Variants in HDAC9 observed in about 807,000 individuals in gnomAD.
The protein encoded by HDAC9 is histone deacetylase 9.
A neutral mutation model predicts 139.4 loss-of-function variants in HDAC9; 41 were observed. That is an observed-to-expected ratio of 0.29 (90% CI 0.23 to 0.38). The LOEUF is 0.38. Among genes scored for constraint, HDAC9 ranks in the 10% least tolerant of loss-of-function variants. The pLI is 1.00. For synonymous variants in HDAC9, 517 were observed against 476.2 expected (o/e 1.09, Z -1.12); for missense variants, 1,147 against 1,297.0 (o/e 0.88, Z 1.78).
At chr7:18,369,260 T>G (rs1024422882) in intron 1 of HDAC9, among the ~76,000 whole-genome samples, 6 of 152,120 alleles carry the variant, frequency 3.9e-5, no homozygotes, top group Non-Finnish European at 8.8e-5. Flanking sequence ...AATAGTGGAA[T>G]TCGTATGGAA....
At chr7:18,835,379 G>A (rs946384187) in intron 19 of HDAC9, 88 bp from the exon 20 acceptor site, 1 of 1,354,314 alleles carries the variant, frequency 7.4e-7, no homozygotes, top group Non-Finnish European at 1.0e-6. Context: ...GAAAGTGGTA[G>A]AAAGACAGGG....
At chr7:18,910,644 C>G (rs1802658161) in intron 22 of HDAC9, among the ~76,000 whole-genome samples, 1 of 151,784 alleles carries the variant, frequency 6.6e-6, no homozygotes, top group African/African-American at 2.4e-5. Flanking sequence ...AAGCTTTCAG[C>G]ATTCAGTATA....
At chr7:18,783,661 CTTTTT>C (rs11348285) in intron 16 of HDAC9, among the ~76,000 whole-genome samples, 1 of 132,374 alleles carries the variant, frequency 7.6e-6, no homozygotes, top group Non-Finnish European at 1.7e-5. Context: ...TCTGCTGAGA[CTTTTT>C]TTTTTTTTTT....
intron 1 of HDAC9, among the ~76,000 whole-genome samples, chr7:18,338,499 C>T (rs1781752301): frequency 6.6e-6 from 1 of 151,610 alleles, no homozygotes; most frequent in Admixed American, 6.6e-5. Context: ...AAAAAGTTTA[C>T]ACCTATTTTC....
At chr7:18,398,171 A>G (rs1787221873) in intron 1 of HDAC9, among the ~76,000 whole-genome samples, 1 of 152,216 alleles carries the variant, frequency 6.6e-6, no homozygotes, top group African/African-American at 2.4e-5. Flanking sequence ...TATTTTCCAC[A>G]ACTGCTTCAA....
intron 22 of HDAC9, among the ~76,000 whole-genome samples, chr7:18,878,104 G>T (rs879537157): frequency 6.6e-6 from 1 of 152,096 alleles, no homozygotes; most frequent in Non-Finnish European, 1.5e-5. Flanking sequence ...TAATCAGGTT[G>T]CCATGACAAC....
intron 2 of HDAC9, among the ~76,000 whole-genome samples, chr7:18,213,223 A>G (rs761607975): frequency 2.0e-5 from 3 of 152,174 alleles, no homozygotes; most frequent in Non-Finnish European, 4.4e-5. Context: ...TTCAAAAGTT[A>G]TTGTATGCCA....
At chr7:18,503,749 G>T (rs1799011270) in intron 2 of HDAC9, among the ~76,000 whole-genome samples, 1 of 152,124 alleles carries the variant, frequency 6.6e-6, no homozygotes, top group South Asian at 2.1e-4. Context: ...TTATTTTCCT[G>T]CTTCTCCTTA....
chr7:18,639,806 C>G (rs1448085974), intron 8 of HDAC9, among the ~76,000 whole-genome samples: 14 of 151,954 alleles, frequency 9.2e-5, no homozygotes, highest in Admixed American at 9.2e-4. Flanking sequence ...GTATGCCATT[C>G]TAATAGACAC....
intron 2 of HDAC9, among the ~76,000 whole-genome samples, chr7:18,500,065 A>G (rs1204896188): frequency 6.6e-6 from 1 of 152,150 alleles, no homozygotes; most frequent in East Asian, 1.9e-4. Context: ...ATTGAGATAG[A>G]TGATAGGTAT....
intron 22 of HDAC9, among the ~76,000 whole-genome samples, chr7:18,923,129 C>A (rs1262701243): frequency 6.6e-6 from 1 of 152,054 alleles, no homozygotes; most frequent in Non-Finnish European, 1.5e-5. Flanking sequence ...TTTTCTGAAG[C>A]TATAATACTT....
intron 1 of HDAC9, among the ~76,000 whole-genome samples, chr7:18,476,062 C>T (rs1563025709): frequency 6.6e-6 from 1 of 152,142 alleles, no homozygotes; most frequent in Non-Finnish European, 1.5e-5. Context: ...TTAGGGATGA[C>T]AAGCCAATTT....
At chr7:18,547,329 G>C (rs1030430097) in intron 2 of HDAC9, among the ~76,000 whole-genome samples, 3 of 152,246 alleles carry the variant, frequency 2.0e-5, no homozygotes, top group Admixed American at 6.5e-5. Flanking sequence ...TCTGCCTCCC[G>C]GGTTCAGGCC....
chr7:18,273,015 T>C (rs1206951572), intron 2 of HDAC9, among the ~76,000 whole-genome samples: 2 of 144,872 alleles, frequency 1.4e-5, no homozygotes, highest in African/African-American at 2.6e-5. Context: ...TTCTTCTTCC[T>C]CCTCCTCCTC....
At chr7:18,243,078 AG>A (rs1157709435) in intron 2 of HDAC9, among the ~76,000 whole-genome samples, 7 of 152,150 alleles carry the variant, frequency 4.6e-5, no homozygotes, top group African/African-American at 1.7e-4. Context: ...TGTTGATTGC[AG>A]TTTTCCTTCT....
At chr7:18,563,859 C>T (rs549672394) in intron 2 of HDAC9, among the ~76,000 whole-genome samples, 107 of 127,852 alleles carry the variant, frequency 8.4e-4, no homozygotes, top group African/African-American at 2.9e-3. Flanking sequence ...TTTTTTGAGA[C>T]GGATTCTTGC....
At position 18,884,543 on chromosome 7, in the gene HDAC9, A is replaced by C. The variant is rs375694226; in HGVS notation, c.2803+9947A>C. 4.6e-5 allele frequency among the ~76,000 whole-genome samples: 7 copies of C among 152,288 alleles called. No individual in the cohort carries two copies. The East Asian group carries it at 1.2e-3, about 25-fold the overall frequency. ...GTCTTATACCATGTAAAAAAAATCA[A>C]CTCAAAATGGAGCAAAGATTTATGT... On this transcript the variant is annotated intron_variant, in intron 22 of 25. Transcript: ENST00000686413.
chr7:18,497,306 A>C (rs962070750), intron 2 of HDAC9, among the ~76,000 whole-genome samples: 2 of 152,138 alleles, frequency 1.3e-5, no homozygotes, highest in African/African-American at 4.8e-5. Context: ...CTAGATTTCC[A>C]TGATAAGAAT....
intron 1 of HDAC9, among the ~76,000 whole-genome samples, chr7:18,110,334 T>C (rs933349076): frequency 1.3e-5 from 2 of 152,144 alleles, no homozygotes; most frequent in African/African-American, 4.8e-5. Flanking sequence ...AGGATAGATA[T>C]AGTCATAAAA....
Sources: allele counts gnomAD v4.1 joint callset (sites outside exome capture counted in the v4.1 genomes callset), GRCh38; gene constraint gnomAD v4.1.1; transcripts MANE v1.5; gene names NCBI Gene and HGNC (gene_info 2026-07-23, HGNC 2026-07-21).